Variants in CNTNAP2 observed in about 807,000 individuals in gnomAD.
CNTNAP2 encodes contactin associated protein 2.
A neutral mutation model predicts 155.2 loss-of-function variants in CNTNAP2; 98 were observed. The ratio of observed to expected loss-of-function variants is 0.63; its 90% CI spans 0.54 to 0.75. The LOEUF (loss-of-function observed/expected upper bound fraction) is 0.75. Among genes scored for constraint, CNTNAP2 ranks in the 30% least tolerant of loss-of-function variants. The pLI is 0.00. For synonymous variants in CNTNAP2, 651 were observed against 631.2 expected, an observed-to-expected ratio of 1.03 and a Z score of -0.47; for missense variants, 1,727 against 1,688.1, an observed-to-expected ratio of 1.02 and a Z score of -0.40.
intron 21 of CNTNAP2, among the ~76,000 whole-genome samples, chr7:148,326,860 G>A (rs1245906529): frequency 7.5e-5 from 8 of 106,206 alleles, no homozygotes; most frequent in African/African-American, 1.9e-4. Flanking sequence ...GCGAGACCCC[G>A]TCTCAAAAAA....
intron 13 of CNTNAP2, among the ~76,000 whole-genome samples, chr7:147,662,704 AT>A (rs1795631126): frequency 6.6e-6 from 1 of 152,160 alleles, no homozygotes; most frequent in South Asian, 2.1e-4. Context: ...TGTGTCTTCC[AT>A]TCCTTTGGGC....
intron 10 of CNTNAP2, among the ~76,000 whole-genome samples, chr7:147,432,769 C>T (rs531307615): frequency 6.6e-6 from 1 of 152,256 alleles, no homozygotes; most frequent in Admixed American, 6.5e-5. Flanking sequence ...TCACTTAACC[C>T]CCCTTCATCC....
intron 12 of CNTNAP2, among the ~76,000 whole-genome samples, chr7:147,635,165 A>G (rs1268506448): frequency 7.1e-6 from 1 of 139,966 alleles, no homozygotes. Context: ...CTTTTCTCCC[A>G]GCCATTATCA....
At chr7:148,258,183 T>G (rs1246272972) in intron 20 of CNTNAP2, among the ~76,000 whole-genome samples, 1 of 152,200 alleles carries the variant, frequency 6.6e-6, no homozygotes, top group African/African-American at 2.4e-5. Flanking sequence ...CTGAGCCCAC[T>G]GATCAGTGTT....
At chr7:147,232,252 C>T (rs779829864) in intron 8 of CNTNAP2, among the ~76,000 whole-genome samples, 7 of 152,092 alleles carry the variant, frequency 4.6e-5, no homozygotes, top group Non-Finnish European at 8.8e-5. Flanking sequence ...ACATATAAAC[C>T]ACAGCGATCT....
At chr7:146,928,775 G>A (rs1336179664) in intron 3 of CNTNAP2, among the ~76,000 whole-genome samples, 1 of 152,210 alleles carries the variant, frequency 6.6e-6, no homozygotes, top group African/African-American at 2.4e-5. Flanking sequence ...CGGTGCACCA[G>A]GAGATTATAT....
chr7:147,563,445 A>G (rs1453313864), intron 12 of CNTNAP2, among the ~76,000 whole-genome samples: 2 of 152,064 alleles, frequency 1.3e-5, no homozygotes, highest in Admixed American at 6.6e-5. Context: ...TCTGGCCAAC[A>G]TGAGGAAACC....
chr7:147,547,480 G>C (rs1799757721), intron 11 of CNTNAP2, among the ~76,000 whole-genome samples: 1 of 152,128 alleles, frequency 6.6e-6, no homozygotes, highest in Non-Finnish European at 1.5e-5. Context: ...TGCCTGCTAG[G>C]GGGCAGCAGC....
intron 12 of CNTNAP2, among the ~76,000 whole-genome samples, chr7:147,614,747 G>A (rs1165498343): frequency 1.3e-5 from 2 of 150,688 alleles, no homozygotes; most frequent in Admixed American, 6.6e-5. Flanking sequence ...CTAATTCTTT[G>A]AACCTTCTAT....
intron 3 of CNTNAP2, among the ~76,000 whole-genome samples, chr7:146,922,787 C>T (rs1796531359): frequency 6.6e-6 from 1 of 152,074 alleles, no homozygotes; most frequent in Non-Finnish European, 1.5e-5. Flanking sequence ...CAGCATTTAA[C>T]ACATTGCCTG....
intron 1 of CNTNAP2, among the ~76,000 whole-genome samples, chr7:146,704,257 T>A (rs1305525655): frequency 5.3e-5 from 8 of 152,140 alleles, no homozygotes; most frequent in South Asian, 4.1e-4. Context: ...GTATGCTACA[T>A]GCGTTATAAG....
At chr7:146,857,199 A>AGGAGAGAGAAGGAGAG (rs1251202088) in intron 3 of CNTNAP2, among the ~76,000 whole-genome samples, 1 of 135,236 alleles carries the variant, frequency 7.4e-6, no homozygotes, top group Non-Finnish European at 1.7e-5. Flanking sequence ...TGGTGGAAAA[A>AGGAGAGAGAAGGAGAG]GGAGAGAGAA....
intron 19 of CNTNAP2, 67 bp from the exon 20 acceptor site, chr7:148,229,579 A>C (rs1047080408): frequency 1.9e-6 from 3 of 1,538,804 alleles, no homozygotes; most frequent in Non-Finnish European, 2.7e-6. Flanking sequence ...GCAGGAATTG[A>C]GGGGATGTGA....
intron 10 of CNTNAP2, among the ~76,000 whole-genome samples, chr7:147,415,213 C>T (rs909522343): frequency 1.3e-5 from 2 of 152,122 alleles, no homozygotes; most frequent in African/African-American, 4.8e-5. Context: ...ATTCTCCCAC[C>T]TTGGTCTGTC....
intron 1 of CNTNAP2, among the ~76,000 whole-genome samples, chr7:146,676,542 G>A (rs538322759): frequency 6.6e-6 from 1 of 152,132 alleles, no homozygotes; most frequent in South Asian, 2.1e-4. Flanking sequence ...GAGGTTTGGG[G>A]TACAGATCCC....
chr7:146,512,584 C>T lies in CNTNAP2; in HGVS notation c.98-261687C>T, dbSNP rs760193663. On this transcript the variant is annotated intron_variant, in intron 1 of 23. Transcript: ENST00000361727. The stretch of plus-strand genomic sequence containing the variant: ...GCATGTTGCTTAATTTTCATATATT[C>T]GTAGAGTTTCCAAGGTTTTTCTTAT... Among the ~76,000 whole-genome samples, 27 of 150,490 alleles carry T rather than the reference C, an allele frequency of 1.8e-4. No individual in the cohort carries two copies. The East Asian group carries it at 2.1e-3, about 12-fold the overall frequency.
chr7:147,047,189 T>G (rs1244273202), intron 4 of CNTNAP2, among the ~76,000 whole-genome samples: 2 of 141,528 alleles, frequency 1.4e-5, no homozygotes, highest in East Asian at 4.6e-4. Flanking sequence ...GCTCACTGCA[T>G]GCTCTGCCTC....
chr7:147,759,042 T>C (rs1797259776), intron 13 of CNTNAP2, among the ~76,000 whole-genome samples: 1 of 152,092 alleles, frequency 6.6e-6, no homozygotes, highest in Admixed American at 6.6e-5. Flanking sequence ...GTTTTCTATA[T>C]AATAAGCTTT....
intron 8 of CNTNAP2, chr7:147,161,588 A>T (rs1240057013): frequency 6.6e-6 from 1 of 150,762 alleles, no homozygotes; most frequent in Non-Finnish European, 1.5e-5. Flanking sequence ...TTTGATTCCA[A>T]CTTAAAAGAA....
Sources: gnomAD v4.1 joint callset for allele counts (sites outside exome capture counted in the v4.1 genomes callset) on GRCh38, gnomAD v4.1.1 for gene constraint, MANE v1.5 for transcripts, NCBI Gene and HGNC (gene_info 2026-07-23, HGNC 2026-07-21) for gene names.